The following CENPO variants were observed in gnomAD, a reference collection of about 807,000 sequenced individuals.
The protein encoded by CENPO is centromeric protein O.
Under a neutral mutation model 36.1 loss-of-function variants are expected in CENPO, and 30 were observed. The observed-to-expected ratio is 0.83, with a 90% confidence interval of 0.62 to 1.13. The LOEUF is 1.13. CENPO is among the 50% of genes most tolerant of loss of function. CENPO has a pLI of 0.00. For synonymous variants in CENPO, 171 were observed against 142.3 expected, an observed-to-expected ratio of 1.20 and a Z score of -1.44; for missense variants, 349 against 357.8, an observed-to-expected ratio of 0.98 and a Z score of 0.20.
chr2:24,818,304 G>A (rs751675265), intron 7 of CENPO, among the ~76,000 whole-genome samples: 1 of 152,018 alleles, frequency 6.6e-6, no homozygotes, highest in Non-Finnish European at 1.5e-5. Flanking sequence ...GCTTGATTCT[G>A]TTGAGAAACA....
chr2:24,800,832 A>G, intron 3 of CENPO, among the ~76,000 whole-genome samples: 1 of 152,052 alleles, frequency 6.6e-6, no homozygotes, highest in Non-Finnish European at 1.5e-5. Context: ...AATCCTTTGG[A>G]TATATACCCA....
intron 4 of CENPO, 78 bp from the exon 5 acceptor site, chr2:24,815,419 G>T: frequency 9.2e-7 from 1 of 1,081,650 alleles, no homozygotes; most frequent in Non-Finnish European, 1.4e-6. Flanking sequence ...TAGGCACTGT[G>T]GAAGCTACTG....
At chr2:24,818,611 G>A (rs1461777193) in intron 7 of CENPO, among the ~76,000 whole-genome samples, 1 of 150,006 alleles carries the variant, frequency 6.7e-6, no homozygotes, top group Non-Finnish European at 1.5e-5. Flanking sequence ...GTAGAGCTGT[G>A]AATGTACTAG....
At chr2:24,811,586 C>T (rs1384409780) in intron 3 of CENPO, among the ~76,000 whole-genome samples, 3 of 150,580 alleles carry the variant, frequency 2.0e-5, no homozygotes, top group African/African-American at 4.9e-5. Context: ...CTCAGCCTCC[C>T]GAGTAGCTGG....
At chr2:24,818,719 T>A (rs1667090946) in intron 7 of CENPO, among the ~76,000 whole-genome samples, 1 of 152,208 alleles carries the variant, frequency 6.6e-6, no homozygotes, top group South Asian at 2.1e-4. Context: ...TCCTGCAGGC[T>A]CTCCGGTTAG....
At chr2:24,808,795 G>C (rs1023458415) in intron 3 of CENPO, among the ~76,000 whole-genome samples, 1 of 152,026 alleles carries the variant, frequency 6.6e-6, no homozygotes, top group African/African-American at 2.4e-5. Flanking sequence ...ATTCATGAGA[G>C]AGACTGCCCT....
chr2:24,794,202 C>G (rs1045282036), intron 2 of CENPO, among the ~76,000 whole-genome samples: 1 of 152,220 alleles, frequency 6.6e-6, no homozygotes, highest in Non-Finnish European at 1.5e-5. Flanking sequence ...ATCATATGCT[C>G]AGTGTTTATA....
chr2:24,809,323 A>G (rs1205651966), intron 3 of CENPO, among the ~76,000 whole-genome samples: 3 of 151,494 alleles, frequency 2.0e-5, no homozygotes, highest in East Asian at 3.9e-4. Context: ...TCTCTCGTTC[A>G]TTTGTTTTGT....
At chr2:24,799,903 G>C (rs1666087723) in intron 3 of CENPO, 59 bp downstream of exon 3, 5 of 1,572,710 alleles carry the variant, frequency 3.2e-6, no homozygotes, top group Admixed American at 1.8e-5. Context: ...ACGTGATTTG[G>C]GAATTGGTGA....
chr2:24,815,640 C>G lies in CENPO; in HGVS notation c.478C>G (p.Pro160Ala). Residue 160 changes from proline (P) to alanine (A), a missense_variant, in exon 5 of 8, where the codon CCC becomes GCC. Pro to Ala is a conservative substitution (Grantham distance 27, BLOSUM62 -1). Transcript: ENST00000380834. ...TCACCATTCAGTCCCAGTCTTCATTCCCCTGGAAGAGATAGCTGCAAAATA... is the reference window on the plus strand; with the variant it reads ...TCACCATTCAGTCCCAGTCTTCATTGCCCTGGAAGAGATAGCTGCAAAATA... Reference protein sequence around the residue: ...IHHHSVPVFIPLEEIAAKYLQ... With the variant: ...IHHHSVPVFIALEEIAAKYLQ... 6.2e-7 allele frequency: 1 copy of G among 1,614,130 alleles called. No individual in the cohort carries two copies. The highest frequency in any genetic ancestry group is 8.5e-7 in the Non-Finnish European group (1 of 1,179,992).
At chr2:24,817,442 G>T (rs1666990045) in intron 6 of CENPO, among the ~76,000 whole-genome samples, 1 of 131,804 alleles carries the variant, frequency 7.6e-6, no homozygotes. Flanking sequence ...CATTGGTCCA[G>T]TAAGGGGCAG....
At position 24,814,522 on chromosome 2, in the gene CENPO, G is replaced by A. The variant is rs775427769; in HGVS notation, c.334+29G>A. On this transcript the variant is annotated intron_variant, in intron 4 of 7. Transcript: ENST00000380834. Reference sequence around the variant, plus strand: ...TTGTTTGTTTTTTTAACCTAATTTAGTCTGGGTCTGCCTCTAGTGAGTTAG... The same window carrying A: ...TTGTTTGTTTTTTTAACCTAATTTAATCTGGGTCTGCCTCTAGTGAGTTAG... 6 of 1,018,426 alleles carry A rather than the reference G, an allele frequency of 5.9e-6. No individual in the cohort carries two copies. The Admixed American group carries it at 1.0e-4, about 17-fold the overall frequency. The allele number at this position is 1,018,426 out of a possible 1,614,324, so 63.1% of individuals were successfully genotyped here.
chr2:24,811,373 C>T (rs1235496187), intron 3 of CENPO, among the ~76,000 whole-genome samples: 1 of 151,032 alleles, frequency 6.6e-6, no homozygotes, highest in East Asian at 1.9e-4. Flanking sequence ...CCTCCGCCTC[C>T]TGATTCAAGC....
rs1358601322 is a variant in CENPO, at chr2:24,821,014, G to A, written c.*1696G>A. ...TTGGAGGGTGGAAATCACATCTCCT[G>A]TTTATCCGTGTGCTTGTTAGGTGTC... On this transcript the variant is annotated 3_prime_UTR_variant, in exon 8 of 8. Transcript: ENST00000380834. 4 of 948,208 alleles carry A rather than the reference G, an allele frequency of 4.2e-6. No homozygotes were observed. The highest frequency in any genetic ancestry group is 3.0e-5 in the Admixed American group (1 of 33,694). 58.7% of individuals were successfully genotyped at this position (948,208 alleles called of 1,614,324 possible).
chr2:24,814,730 G>A (rs1285073850), intron 4 of CENPO: 4 of 499,676 alleles, frequency 8.0e-6, no homozygotes, highest in Non-Finnish European at 1.4e-5. Flanking sequence ...GTTGGTGGCT[G>A]GCTTATTCCA....
Position 24,819,851 on chromosome 2 carries a change from A to C in CENPO, c.*533A>C, listed in dbSNP as rs1667277140. ...CTAAAGTCCATGAGTGTGCACTTCAATCCAGGAAGGTCGGGACTTCCTTCA... is the reference window on the plus strand; with the variant it reads ...CTAAAGTCCATGAGTGTGCACTTCACTCCAGGAAGGTCGGGACTTCCTTCA... On this transcript the variant is annotated 3_prime_UTR_variant, in exon 8 of 8. Coordinates refer to ENST00000380834, the MANE Select transcript of CENPO (RefSeq NM_001322101.2). 6.8e-7 allele frequency: 1 copy of C among 1,460,144 alleles called. No homozygotes were observed. 90.4% of individuals were successfully genotyped at this position (1,460,144 alleles called of 1,614,324 possible).
At chr2:24,799,220 A>G (rs1666052447) in intron 2 of CENPO, among the ~76,000 whole-genome samples, 1 of 151,518 alleles carries the variant, frequency 6.6e-6, no homozygotes, top group African/African-American at 2.4e-5. Context: ...CTGGTCTCGA[A>G]CTCCTGACCT....
chr2:24,802,047 CTTGTAAG>C (rs1455743200), intron 3 of CENPO, among the ~76,000 whole-genome samples: 1 of 152,128 alleles, frequency 6.6e-6, no homozygotes. Flanking sequence ...CTTCACATCC[CTTGTAAG>C]TTGGATTCCT....
rs2148324061 is a variant in CENPO, at chr2:24,820,325, C to G, written c.*1007C>G. On this transcript the variant is annotated 3_prime_UTR_variant, in exon 8 of 8. Transcript: ENST00000380834. ...TGGAGTGACTGGCTGGGGGCCTCCT[C>G]TCATCCAGAGACTTCTCTCCTAGGA... 1.5e-6 allele frequency: 2 copies of G among 1,323,528 alleles called. No homozygotes were observed. Among genetic ancestry groups the G allele is most frequent in the South Asian group, 4.4e-5 (2 of 45,262 alleles). The allele number at this position is 1,323,528 out of a possible 1,614,324, so 82.0% of individuals were successfully genotyped here.
Sources: gnomAD v4.1 joint callset for allele counts (sites outside exome capture counted in the v4.1 genomes callset) on GRCh38, gnomAD v4.1.1 for gene constraint, MANE v1.5 for transcripts, NCBI Gene and HGNC (gene_info 2026-07-23, HGNC 2026-07-21) for gene names.